LRP1B: variants seen among roughly 807,000 people sequenced by gnomAD.
LRP1B encodes low-density lipoprotein receptor-related protein 1B.
Under a neutral mutation model 556.6 loss-of-function variants are expected in LRP1B, and 217 were observed. That is an observed-to-expected ratio of 0.39 (90% CI 0.35 to 0.44). The LOEUF is 0.44. Ranked by LOEUF, LRP1B falls within the 20% of genes least tolerant of loss-of-function variation. The probability of loss-of-function intolerance (pLI) is 1.00; values close to 1 mark genes in which losing one functional copy is unlikely to be tolerated. For missense variants in LRP1B, 5,053 were observed against 5,620.8 expected (o/e 0.90, Z 3.23); for synonymous variants, 2,047 against 1,865.8 (o/e 1.10, Z -2.50).
intron 3 of LRP1B, among the ~76,000 whole-genome samples, chr2:141,371,177 T>C (rs1045782879): frequency 1.3e-5 from 2 of 152,128 alleles, no homozygotes; most frequent in Non-Finnish European, 2.9e-5. Context: ...AGAGACCATG[T>C]TCATGTTCGC....
At chr2:140,574,067 T>C (rs1681428058) in intron 43 of LRP1B, among the ~76,000 whole-genome samples, 2 of 152,110 alleles carry the variant, frequency 1.3e-5, no homozygotes, top group Admixed American at 1.3e-4. Context: ...TCTCTATATG[T>C]TATATGCATT....
At chr2:141,620,495 G>C (rs1688463292) in intron 2 of LRP1B, among the ~76,000 whole-genome samples, 1 of 152,122 alleles carries the variant, frequency 6.6e-6, no homozygotes, top group Admixed American at 6.5e-5. Context: ...GGCAATACAG[G>C]TTTTATTCTC....
At chr2:141,071,443 C>T (rs1042665628) in intron 7 of LRP1B, among the ~76,000 whole-genome samples, 103 of 152,148 alleles carry the variant, frequency 6.8e-4, no homozygotes, top group African/African-American at 2.4e-3. Flanking sequence ...TGAAAACAGG[C>T]ACAAGACAGG....
intron 2 of LRP1B, among the ~76,000 whole-genome samples, chr2:141,702,718 AAAGTC>A (rs1314113804): frequency 1.3e-5 from 2 of 151,912 alleles, no homozygotes; most frequent in African/African-American, 4.8e-5. Flanking sequence ...TATTGAAAAA[AAAGTC>A]AAGATGCAAA....
chr2:141,797,176 T>TAC (rs1695848841), intron 2 of LRP1B, among the ~76,000 whole-genome samples: 1 of 136,380 alleles, frequency 7.3e-6, no homozygotes, highest in Non-Finnish European at 1.6e-5. Flanking sequence ...TATATATATA[T>TAC]ATATATATAT....
intron 37 of LRP1B, among the ~76,000 whole-genome samples, chr2:140,704,604 ATAT>A (rs1269979684): frequency 6.6e-6 from 1 of 152,138 alleles, no homozygotes; most frequent in Non-Finnish European, 1.5e-5. Flanking sequence ...TGGATGAAAA[ATAT>A]TATTCAATAT....
At chr2:141,046,547 T>G (rs1698875014) in intron 11 of LRP1B, among the ~76,000 whole-genome samples, 1 of 152,074 alleles carries the variant, frequency 6.6e-6, no homozygotes. Flanking sequence ...GGTGTGAAAA[T>G]TTGCAAAATG....
At chr2:140,328,757 T>G (rs111879248) in intron 79 of LRP1B, among the ~76,000 whole-genome samples, 1,617 of 152,168 alleles carry the variant, frequency 0.011, 34 homozygotes, top group African/African-American at 0.038. Context: ...AGTTTCAGAT[T>G]AGAAACTACA....
At chr2:140,735,520 G>A (rs1034994128) in intron 35 of LRP1B, among the ~76,000 whole-genome samples, 1 of 152,052 alleles carries the variant, frequency 6.6e-6, no homozygotes, top group African/African-American at 2.4e-5. Flanking sequence ...AAGGCAGGTC[G>A]GCAATGCTAA....
At chr2:140,719,273 T>C (rs1041785235) in intron 35 of LRP1B, among the ~76,000 whole-genome samples, 2 of 152,118 alleles carry the variant, frequency 1.3e-5, no homozygotes, top group Admixed American at 6.6e-5. Context: ...AAATGCTTTT[T>C]AGCTCATTAA....
intron 77 of LRP1B, among the ~76,000 whole-genome samples, chr2:140,350,370 G>T (rs773354755): frequency 1.3e-5 from 2 of 151,948 alleles, no homozygotes; most frequent in Non-Finnish European, 2.9e-5. Flanking sequence ...TTGATGTCCT[G>T]CCCTACAGTA....
intron 3 of LRP1B, among the ~76,000 whole-genome samples, chr2:141,385,712 C>T (rs532681316): frequency 1.3e-5 from 2 of 152,194 alleles, no homozygotes; most frequent in South Asian, 2.1e-4. Context: ...CTTCCTATTC[C>T]CTCAACTGCT....
intron 7 of LRP1B, among the ~76,000 whole-genome samples, chr2:141,098,524 C>T (rs1700377032): frequency 1.3e-5 from 2 of 152,196 alleles, no homozygotes; most frequent in Admixed American, 6.5e-5. Context: ...TCAGACCTCT[C>T]AATTGTTTTT....
At chr2:141,510,367 C>A (rs1220196171) in intron 2 of LRP1B, among the ~76,000 whole-genome samples, 1 of 152,074 alleles carries the variant, frequency 6.6e-6, no homozygotes, top group Non-Finnish European at 1.5e-5. Context: ...CCGTCTCTCT[C>A]AAAAGAAAGA....
chr2:141,160,937 T>C (rs1368735317), intron 7 of LRP1B, among the ~76,000 whole-genome samples: 1 of 151,990 alleles, frequency 6.6e-6, no homozygotes, highest in Admixed American at 6.6e-5. Flanking sequence ...TTAAGAGTAT[T>C]GAGCCAATAA....
chr2:142,072,869 T>C (rs376305607), intron 1 of LRP1B, among the ~76,000 whole-genome samples: 1 of 152,190 alleles, frequency 6.6e-6, no homozygotes, highest in East Asian at 1.9e-4. Context: ...AAAATAATTG[T>C]AGTCAAAACA....
chr2:141,362,078 T>C (rs1414050765), intron 3 of LRP1B, among the ~76,000 whole-genome samples: 1 of 152,180 alleles, frequency 6.6e-6, no homozygotes, highest in African/African-American at 2.4e-5. Context: ...GTGTAGAGTA[T>C]TTAGAGAGCT....
chr2:140,423,088 G>C (rs1462998369), intron 66 of LRP1B, among the ~76,000 whole-genome samples: 1 of 152,134 alleles, frequency 6.6e-6, no homozygotes, highest in African/African-American at 2.4e-5. Context: ...TGAGTAGCAT[G>C]AAAAAAGCTC....
chr2:140,251,231 CTA>C (rs1378931222), intron 86 of LRP1B, among the ~76,000 whole-genome samples: 2 of 151,712 alleles, frequency 1.3e-5, no homozygotes, highest in African/African-American at 2.4e-5. Flanking sequence ...AGGGGACAAA[CTA>C]TAATCTTTAA....
Sources: gnomAD v4.1 joint callset for allele counts (sites outside exome capture counted in the v4.1 genomes callset) on GRCh38, gnomAD v4.1.1 for gene constraint, MANE v1.5 for transcripts, NCBI Gene and HGNC (gene_info 2026-07-23, HGNC 2026-07-21) for gene names.